Variants in EPHA7 observed in about 807,000 individuals in gnomAD.
The protein encoded by EPHA7 is EPH receptor A7, also known as ephrin type-A receptor 7.
A neutral mutation model predicts 112.6 loss-of-function variants in EPHA7; 25 were observed. That is an observed-to-expected ratio of 0.22 (90% CI 0.16 to 0.31). EPHA7 has a LOEUF of 0.31. Among genes scored for constraint, EPHA7 ranks in the 10% least tolerant of loss-of-function variants. The probability of loss-of-function intolerance (pLI) is 1.00; values close to 1 mark genes in which losing one functional copy is unlikely to be tolerated. For synonymous variants in EPHA7, 437 were observed against 406.5 expected, an observed-to-expected ratio of 1.07 and a Z score of -0.90; for missense variants, 962 against 1,212.6, an observed-to-expected ratio of 0.79 and a Z score of 3.07.
rs938042948 is a variant in EPHA7, at chr6:93,240,131, T to A, written c.*3295A>T. 8 of 224,776 alleles carry A rather than the reference T, an allele frequency of 3.6e-5. No individual in the cohort carries two copies. The Admixed American group carries it at 4.0e-4, about 11-fold the overall frequency. The allele number at this position is 224,776 out of a possible 1,614,324, so 13.9% of individuals were successfully genotyped here. The stretch of plus-strand genomic sequence containing the variant: ...GTGCTTGATACATTGAAGACACTGT[T>A]CAAAAGCAGTTTGTCCTTATAAAAG... On this transcript the variant is annotated 3_prime_UTR_variant, in exon 17 of 17. Coordinates refer to ENST00000369303, the MANE Select transcript of EPHA7 (RefSeq NM_004440.4).
intron 5 of EPHA7, among the ~76,000 whole-genome samples, chr6:93,342,637 C>T (rs1775198652): frequency 1.3e-5 from 2 of 151,648 alleles, no homozygotes; most frequent in South Asian, 2.1e-4. Context: ...GCTGTTAATT[C>T]TTTATTGCCA....
At chr6:93,408,058 C>G (rs1778801594) in intron 3 of EPHA7, among the ~76,000 whole-genome samples, 1 of 151,898 alleles carries the variant, frequency 6.6e-6, no homozygotes, top group African/African-American at 2.4e-5. Context: ...CAAAGTGAAA[C>G]AACTGCCACA....
chr6:93,412,895 A>C (rs1047351211), intron 2 of EPHA7, among the ~76,000 whole-genome samples: 13 of 152,158 alleles, frequency 8.5e-5, no homozygotes, highest in Admixed American at 8.5e-4. Flanking sequence ...ATTCTGTATA[A>C]GAAAAATCAA....
chr6:93,346,688 T>A (rs1429459571), intron 5 of EPHA7, among the ~76,000 whole-genome samples: 1 of 151,790 alleles, frequency 6.6e-6, no homozygotes, highest in Non-Finnish European at 1.5e-5. Flanking sequence ...TTTAAGTTCC[T>A]CCTGTTAACT....
At chr6:93,274,806 C>G (rs1020845261) in intron 5 of EPHA7, among the ~76,000 whole-genome samples, 4 of 151,800 alleles carry the variant, frequency 2.6e-5, no homozygotes, top group African/African-American at 9.7e-5. Context: ...ATTATATTTT[C>G]CCTGAGCTTC....
At chr6:93,252,688 T>G (rs3799819) in intron 14 of EPHA7, among the ~76,000 whole-genome samples, 10,389 of 151,992 alleles carry the variant, frequency 0.068, 532 homozygotes, top group Admixed American at 0.13. Flanking sequence ...TAATGAATAT[T>G]ATCTAATAAG....
chr6:93,418,088 T>A (rs2127999497), intron 1 of EPHA7, among the ~76,000 whole-genome samples: 1 of 151,680 alleles, frequency 6.6e-6, no homozygotes, highest in African/African-American at 2.4e-5. Context: ...ACATCAGGAA[T>A]AAGTAATTAT....
At chr6:93,353,148 C>T (rs1233440728) in intron 5 of EPHA7, among the ~76,000 whole-genome samples, 2 of 151,974 alleles carry the variant, frequency 1.3e-5, no homozygotes, top group African/African-American at 2.4e-5. Flanking sequence ...GAATAAGGGT[C>T]ATAATGTCAT....
chr6:93,251,763 T>C (rs1347198158), intron 14 of EPHA7, among the ~76,000 whole-genome samples: 1 of 151,988 alleles, frequency 6.6e-6, no homozygotes, highest in Non-Finnish European at 1.5e-5. Context: ...ACAATATTTC[T>C]TATATTTGAC....
chr6:93,407,085 T>C (rs1778756741), intron 3 of EPHA7, among the ~76,000 whole-genome samples: 1 of 152,016 alleles, frequency 6.6e-6, no homozygotes, highest in Non-Finnish European at 1.5e-5. Flanking sequence ...TGAGAAGCAT[T>C]TGGTTTTCAA....
At chr6:93,332,869 T>C (rs1023963532) in intron 5 of EPHA7, among the ~76,000 whole-genome samples, 3 of 151,790 alleles carry the variant, frequency 2.0e-5, no homozygotes, top group Non-Finnish European at 4.4e-5. Context: ...TTTATTTTTA[T>C]GTTAAATTTA....
chr6:93,264,846 A>G, intron 7 of EPHA7, 144 bp from the exon 8 acceptor site: 1 of 434,250 alleles, frequency 2.3e-6, no homozygotes, highest in Non-Finnish European at 4.1e-6. Flanking sequence ...AATTTAAATA[A>G]ATGTTTATTT....
intron 6 of EPHA7, among the ~76,000 whole-genome samples, chr6:93,270,423 T>A (rs1396850434): frequency 2.0e-5 from 3 of 151,366 alleles, no homozygotes; most frequent in African/African-American, 7.3e-5. Context: ...AGGGAATAAA[T>A]GTAAAAACTC....
intron 5 of EPHA7, among the ~76,000 whole-genome samples, chr6:93,280,938 C>T (rs559375244): frequency 1.3e-5 from 2 of 152,140 alleles, no homozygotes; most frequent in East Asian, 3.9e-4. Flanking sequence ...TTCAAAAACT[C>T]CATAGATAAA....
At position 93,246,927 on chromosome 6, in the gene EPHA7, C is replaced by T. The variant is rs2127847171; in HGVS notation, c.2591G>A (p.Gly864Asp). 1 of 1,613,438 alleles carries T rather than the reference C, an allele frequency of 6.2e-7. No individual in the cohort carries two copies. The highest frequency in any genetic ancestry group is 8.5e-7 in the Non-Finnish European group (1 of 1,179,450). The change falls in exon 15 of 17, where the codon GGC becomes GAC. Residue 864 changes from glycine to aspartate, a missense_variant. By Grantham distance (94) the Gly-to-Asp change is moderately conservative. Transcript: ENST00000369303. The stretch of plus-strand genomic sequence containing the variant: ...ACAATCCAACATTAGCTGGTGAAGG[C>T]CAGCTGGGCAGTCCATGGGTGCTGG... ...RLPAPMDCPAGLHQLMLDCWQ... is the reference protein window; with the variant it reads ...RLPAPMDCPADLHQLMLDCWQ...
intron 3 of EPHA7, among the ~76,000 whole-genome samples, chr6:93,401,519 G>A (rs1001585014): frequency 1.3e-5 from 2 of 151,740 alleles, no homozygotes; most frequent in African/African-American, 4.8e-5. Context: ...TGTGTAACAC[G>A]GGTAGAAAAC....
intron 5 of EPHA7, among the ~76,000 whole-genome samples, chr6:93,317,642 G>C (rs988080724): frequency 6.6e-6 from 1 of 152,128 alleles, no homozygotes; most frequent in Non-Finnish European, 1.5e-5. Context: ...AACAAGTTCA[G>C]ATATTAACTG....
At chr6:93,353,934 A>T (rs1235786823) in intron 5 of EPHA7, among the ~76,000 whole-genome samples, 2 of 152,088 alleles carry the variant, frequency 1.3e-5, no homozygotes, top group African/African-American at 4.8e-5. Flanking sequence ...CAGAAAAGGA[A>T]CTACAAAGTA....
chr6:93,357,973 T>C (rs1776042392), intron 4 of EPHA7, among the ~76,000 whole-genome samples: 1 of 152,162 alleles, frequency 6.6e-6, no homozygotes, highest in South Asian at 2.1e-4. Context: ...CCTAATAACT[T>C]TTAATTTTAC....
Sources: gnomAD v4.1 joint callset for allele counts (sites outside exome capture counted in the v4.1 genomes callset) on GRCh38, gnomAD v4.1.1 for gene constraint, MANE v1.5 for transcripts, NCBI Gene and HGNC (gene_info 2026-07-23, HGNC 2026-07-21) for gene names.